Variants in SUV39H1 observed in about 807,000 individuals in gnomAD.
The protein encoded by SUV39H1 is SUV39H1 histone lysine methyltransferase, also known as histone-lysine N-methyltransferase SUV39H1.
For synonymous variants in SUV39H1, 141 were observed against 150.5 expected (o/e 0.94, Z 0.46); for missense variants, 180 against 386.3 (o/e 0.47, Z 4.48).
intron 2 of SUV39H1, 182 bp downstream of exon 2, chrX:48,699,229 T>A: frequency 2.3e-6 from 1 of 427,417 alleles, no homozygotes. Flanking sequence ...AGTAGCTTTC[T>A]GGGCAGGAGC....
intron 1 of SUV39H1, among the ~76,000 whole-genome samples, chrX:48,697,894 G>A (rs2062461800): frequency 8.9e-6 from 1 of 112,148 alleles, no homozygotes; most frequent in African/African-American, 3.2e-5. Context: ...GGCAGTCCCA[G>A]AAATATACCA....
chrX:48,707,131 C>T (rs1223789104), intron 5 of SUV39H1, among the ~76,000 whole-genome samples: 2 of 103,987 alleles, frequency 1.9e-5, no homozygotes, highest in African/African-American at 7.2e-5. Flanking sequence ...ACACCTAAAA[C>T]GACCCTCCTG....
chrX:48,707,320 C>G (rs1557010313), intron 5 of SUV39H1, 117 bp from the exon 6 acceptor site: 3 of 761,116 alleles, frequency 3.9e-6, no homozygotes, highest in Admixed American at 5.7e-5. Context: ...TAGTGGGACC[C>G]TTCATCCAGG....
chrX:48,696,836 T>C, intron 1 of SUV39H1, 33 bp downstream of exon 1: 4 of 1,060,426 alleles, frequency 3.8e-6, no homozygotes, highest in Non-Finnish European at 5.0e-6. Flanking sequence ...GCGGGCCCGC[T>C]GGCCGGGCCG....
chrX:48,703,147 T>C (rs2062480314), intron 3 of SUV39H1, among the ~76,000 whole-genome samples: 1 of 112,783 alleles, frequency 8.9e-6, no homozygotes, highest in Non-Finnish European at 1.9e-5. Flanking sequence ...GTAAGTTTGA[T>C]ACAAATGTTA....
intron 3 of SUV39H1, among the ~76,000 whole-genome samples, chrX:48,701,902 T>C (rs1437022383): frequency 9.0e-6 from 1 of 111,217 alleles, no homozygotes; most frequent in Non-Finnish European, 1.9e-5. Context: ...AGGGGTGTGA[T>C]ATAGTTGGAA....
At position 48,706,230 on chromosome X, in the gene SUV39H1, G is replaced by A. The variant is rs1393221880; in HGVS notation, c.829-35G>A. On this transcript the variant is annotated intron_variant, in intron 3 of 5. Transcript: ENST00000376687. ...AGTGCCGGCTTTCCTGAGACTTCGC[G>A]GCCAATCTCCCCTTACCCATGGCCC... The A allele has an allele frequency of 1.0e-5, 12 of 1,187,792 alleles. No individual in the cohort carries two copies. The Admixed American group carries it at 2.3e-4, about 23-fold the overall frequency.
chrX:48,702,874 G>A (rs2062479347), intron 3 of SUV39H1, among the ~76,000 whole-genome samples: 1 of 111,270 alleles, frequency 9.0e-6, no homozygotes, highest in Non-Finnish European at 1.9e-5. Flanking sequence ...ACAGGCCTCC[G>A]GAAAGAGCCA....
chrX:48,698,835 G>T, intron 1 of SUV39H1, 67 bp from the exon 2 acceptor site: 1 of 1,144,478 alleles, frequency 8.7e-7, no homozygotes, highest in Non-Finnish European at 1.2e-6. Context: ...GAGGATTTGG[G>T]GTCCCCTTTG....
At position 48,700,558 on chromosome X, in the gene SUV39H1, G is replaced by A. The variant is rs1032326410; in HGVS notation, c.633G>A (p.Val211=). 7 of 1,211,039 alleles carry A rather than the reference G, an allele frequency of 5.8e-6. No individual in the cohort carries two copies. The African/African-American group carries it at 8.7e-5, about 15-fold the overall frequency. ...TTGCCTACAATGACCAGGGCCAGGT[G>A]CGGCTTCGAGCCGGGCTGCCCATCT... ...HKFAYNDQGQ[V]RLRAGLPIYE... is the part of the protein sequence containing the mutation. The change falls in exon 3 of 6, where the codon GTG becomes GTA. Residue 211 remains valine, a synonymous_variant. Coordinates refer to ENST00000376687, the MANE Select transcript of SUV39H1 (RefSeq NM_003173.4).
At position 48,707,197 on chromosome X, in the gene SUV39H1, C is replaced by T. The variant is rs184442985; in HGVS notation, c.1106-240C>T. Among the ~76,000 whole-genome samples the T allele has an allele frequency of 9.2e-5, 10 of 108,804 alleles. No individual in the cohort carries two copies. In the East Asian group the frequency reaches 2.9e-3, roughly 32 times the overall value. The allele number at this position is 108,804 out of a possible 115,157, so 94.5% of individuals were successfully genotyped here. On this transcript the variant is annotated intron_variant, in intron 5 of 5. Coordinates refer to ENST00000376687, the MANE Select transcript of SUV39H1 (RefSeq NM_003173.4). ...ATTCTTCAACCCCTGGCCTGAACAA[C>T]CTCCAGTGCTGAGCCCTGGCCCTAG...
chrX:48,706,832 C>T (rs934650384), intron 5 of SUV39H1, among the ~76,000 whole-genome samples: 2 of 111,005 alleles, frequency 1.8e-5, no homozygotes, highest in Middle Eastern at 4.7e-3. Flanking sequence ...CCCCTGAACC[C>T]TAACCCTGAG....
chrX:48,706,199 A>G, intron 3 of SUV39H1, 66 bp from the exon 4 acceptor site: 3 of 1,157,639 alleles, frequency 2.6e-6, no homozygotes, highest in Non-Finnish European at 3.5e-6. Context: ...TTCAGAAGTC[A>G]GGAGCAGTGC....
At chrX:48,700,870 T>A in intron 3 of SUV39H1, 117 bp downstream of exon 3, 2 of 907,428 alleles carry the variant, frequency 2.2e-6, no homozygotes, top group Non-Finnish European at 1.5e-6. Flanking sequence ...GGGAAAGGCC[T>A]GGGAGACTGA....
chrX:48,695,681 G>A, upstream of SUV39H1: 1 of 1,124,215 alleles, frequency 8.9e-7, no homozygotes. Context: ...GTGATGAGGG[G>A]CGGATTGAAC....
intron 3 of SUV39H1, among the ~76,000 whole-genome samples, chrX:48,703,561 T>G (rs782567630): frequency 8.9e-6 from 1 of 112,479 alleles, no homozygotes; most frequent in African/African-American, 3.2e-5. Flanking sequence ...CCAGCCTATT[T>G]TATCCATTCT....
intron 3 of SUV39H1, among the ~76,000 whole-genome samples, chrX:48,704,085 C>T (rs1411104055): frequency 5.5e-5 from 6 of 109,266 alleles, no homozygotes; most frequent in African/African-American, 1.7e-4. Flanking sequence ...TTCCCATTCA[C>T]GTCAGCACCC....
intron 1 of SUV39H1, among the ~76,000 whole-genome samples, chrX:48,697,151 T>C (rs782687962): frequency 9.0e-6 from 1 of 110,654 alleles, no homozygotes; most frequent in South Asian, 3.8e-4. Context: ...CGTTACCCAT[T>C]CGGTGTCCAC....
Position 48,706,378 on chromosome X carries a change from C to T in SUV39H1, c.942C>T (p.Tyr314=). 1 of 1,211,536 alleles carries T rather than the reference C, an allele frequency of 8.3e-7. No individual in the cohort carries two copies. Among genetic ancestry groups the T allele is most frequent in the East Asian group, 3.0e-5 (1 of 33,850 alleles). ...VEDVYTVDAA[Y]YGNISHFVNH... ...ACGTGTACACCGTGGATGCCGCCTA[C>T]TATGGCAACATCTCCCACTTTGTCA... The change falls in exon 4 of 6, where the codon TAC becomes TAT. Residue 314 remains tyrosine, a synonymous_variant. Transcript: ENST00000376687.
Sources: allele counts gnomAD v4.1 joint callset (sites outside exome capture counted in the v4.1 genomes callset), GRCh38; gene constraint gnomAD v4.1.1; transcripts MANE v1.5; gene names NCBI Gene and HGNC (gene_info 2026-07-23, HGNC 2026-07-21).